Variants in TTC7A observed in about 807,000 individuals in gnomAD.
The protein encoded by TTC7A is tetratricopeptide repeat protein 7A.
Under a neutral mutation model 103.7 loss-of-function variants are expected in TTC7A, and 110 were observed. The ratio of observed to expected loss-of-function variants is 1.06; its 90% CI spans 0.91 to 1.24. The LOEUF (loss-of-function observed/expected upper bound fraction) is 1.24. Ranked by LOEUF, TTC7A falls within the 50% of genes most tolerant of loss-of-function variation. The probability of loss-of-function intolerance (pLI) is 0.00; values close to 1 mark genes in which losing one functional copy is unlikely to be tolerated. For synonymous variants in TTC7A, 521 were observed against 467.9 expected, an observed-to-expected ratio of 1.11 and a Z score of -1.47; for missense variants, 1,340 against 1,116.3, an observed-to-expected ratio of 1.20 and a Z score of -2.86.
intron 16 of TTC7A, among the ~76,000 whole-genome samples, chr2:47,047,531 G>C (rs1039018130): frequency 2.4e-4 from 36 of 152,348 alleles, no homozygotes; most frequent in African/African-American, 8.7e-4. Context: ...CTGGGTGAAG[G>C]GACCTGCATT....
chr2:46,934,440 G>A (rs945120178), intron 2 of TTC7A, among the ~76,000 whole-genome samples: 1 of 152,078 alleles, frequency 6.6e-6, no homozygotes, highest in Non-Finnish European at 1.5e-5. Flanking sequence ...TGTATTTTTA[G>A]TAGAGACAGG....
At chr2:46,916,942 T>A (rs1297722083) in intron 1 of TTC7A, among the ~76,000 whole-genome samples, 2 of 150,706 alleles carry the variant, frequency 1.3e-5, no homozygotes, top group East Asian at 4.0e-4. Flanking sequence ...AGGACGGTCG[T>A]TTTTTTTAAA....
At chr2:47,003,139 G>C (rs985369170) in intron 8 of TTC7A, among the ~76,000 whole-genome samples, 1 of 152,208 alleles carries the variant, frequency 6.6e-6, no homozygotes, top group East Asian at 1.9e-4. Flanking sequence ...TGGACAGGGG[G>C]AGGTTTCCAC....
At chr2:47,003,691 G>A (rs1330057346) in intron 8 of TTC7A, among the ~76,000 whole-genome samples, 1 of 152,144 alleles carries the variant, frequency 6.6e-6, no homozygotes, top group East Asian at 1.9e-4. Flanking sequence ...ATAACCTCTT[G>A]CTTCCACCAG....
At chr2:46,939,461 T>G (rs972877567), upstream of TTC7A, among the ~76,000 whole-genome samples, 1 of 152,180 alleles carries the variant, frequency 6.6e-6, no homozygotes, top group African/African-American at 2.4e-5. Flanking sequence ...ATGTGAGCCA[T>G]GAAGACTGTT....
At chr2:46,925,120 T>G (rs1327701376) in intron 2 of TTC7A, among the ~76,000 whole-genome samples, 2 of 152,218 alleles carry the variant, frequency 1.3e-5, no homozygotes, top group African/African-American at 2.4e-5. Flanking sequence ...TTTCAATTAT[T>G]TATTTATTTA....
intron 8 of TTC7A, among the ~76,000 whole-genome samples, chr2:47,003,901 G>A (rs1230901088): frequency 2.0e-5 from 3 of 152,214 alleles, no homozygotes; most frequent in African/African-American, 7.2e-5. Flanking sequence ...TCAGTACATC[G>A]CCGGGGACAG....
intron 15 of TTC7A, among the ~76,000 whole-genome samples, chr2:47,041,185 A>G (rs1681704446): frequency 6.6e-6 from 1 of 152,092 alleles, no homozygotes; most frequent in South Asian, 2.1e-4. Flanking sequence ...GCTTCTGGAC[A>G]GTTTGGAATG....
chr2:46,934,075 A>G (rs535455446), intron 2 of TTC7A, among the ~76,000 whole-genome samples: 64 of 152,340 alleles, frequency 4.2e-4, no homozygotes, highest in African/African-American at 1.4e-3. Flanking sequence ...AGAATGTCAT[A>G]ATAATCATCC....
intron 1 of TTC7A, among the ~76,000 whole-genome samples, chr2:46,945,230 A>G (rs1483806161): frequency 1.3e-5 from 2 of 152,200 alleles, no homozygotes; most frequent in East Asian, 3.9e-4. Flanking sequence ...AATGGCTGGG[A>G]TCACAGGTGT....
chr2:46,993,920 T>C (rs543458249), intron 6 of TTC7A, among the ~76,000 whole-genome samples: 4 of 152,262 alleles, frequency 2.6e-5, no homozygotes, highest in Non-Finnish European at 5.9e-5. Context: ...CCTTAGTTTG[T>C]CCAAACCAGA....
intron 4 of TTC7A, among the ~76,000 whole-genome samples, chr2:46,975,695 A>AT: frequency 6.7e-6 from 1 of 149,648 alleles, no homozygotes. Context: ...ATTTTTATGT[A>AT]TTTTTTTACT....
intron 14 of TTC7A, among the ~76,000 whole-genome samples, chr2:47,025,148 G>C (rs537950789): frequency 6.6e-6 from 1 of 152,338 alleles, no homozygotes; most frequent in Non-Finnish European, 1.5e-5. Flanking sequence ...AATGGGCTGA[G>C]CTCCAGGCCG....
At chr2:46,942,239 G>A (rs1320458662) in intron 1 of TTC7A, among the ~76,000 whole-genome samples, 1 of 151,700 alleles carries the variant, frequency 6.6e-6, no homozygotes, top group African/African-American at 2.4e-5. Flanking sequence ...CTCATCTGTG[G>A]CGATCTCGGG....
At chr2:47,058,478 G>A (rs1045495571) in intron 18 of TTC7A, among the ~76,000 whole-genome samples, 19 of 152,188 alleles carry the variant, frequency 1.2e-4, no homozygotes, top group African/African-American at 4.6e-4. Context: ...GTCTGGGCCT[G>A]GTTTCTCCAC....
At chr2:46,978,119 C>T (rs1246008662) in intron 4 of TTC7A, 1 of 152,342 alleles carries the variant, frequency 6.6e-6, no homozygotes, top group African/African-American at 2.4e-5. Flanking sequence ...GGTTTGCATA[C>T]ACAGAACAGG....
rs773385892 is a variant in TTC7A at position 46,950,382 on chromosome 2, G to C, written c.204G>C (p.Leu68=). 3.1e-6 allele frequency: 5 copies of C among 1,613,984 alleles called. No homozygotes were observed. The African/African-American group carries it at 6.7e-5, about 22-fold the overall frequency. The change falls in exon 2 of 20, where the codon CTG becomes CTC. Residue 68 remains leucine (L), a synonymous_variant. Coordinates refer to ENST00000319190, the MANE Select transcript of TTC7A (RefSeq NM_020458.4). ...FPDTDDFGKL[L]LAEALLEQCL... is the part of the protein sequence containing the mutation. ...TTTCAGATGACTTTGGGAAATTGCT[G>C]CTGGCTGAGGCCCTCCTGGAGCAGT...
chr2:46,917,500 CG>C (rs1668872990), intron 2 of TTC7A, among the ~76,000 whole-genome samples: 1 of 152,178 alleles, frequency 6.6e-6, no homozygotes, highest in Admixed American at 6.5e-5. Context: ...ATGTACTAGG[CG>C]CTCTACTAGG....
At chr2:47,069,744 C>A (rs1684501602) in intron 19 of TTC7A, among the ~76,000 whole-genome samples, 1 of 152,190 alleles carries the variant, frequency 6.6e-6, no homozygotes, top group Non-Finnish European at 1.5e-5. Context: ...TGGAGCTGGG[C>A]TGGAATGCCA....
Sources: gnomAD v4.1 joint callset for allele counts (sites outside exome capture counted in the v4.1 genomes callset) on GRCh38, gnomAD v4.1.1 for gene constraint, MANE v1.5 for transcripts, NCBI Gene and HGNC (gene_info 2026-07-23, HGNC 2026-07-21) for gene names.